The following NECTIN3 variants were observed in gnomAD, a reference collection of about 807,000 sequenced individuals.
The protein encoded by NECTIN3 is nectin-3.
NECTIN3 carries 8 observed loss-of-function variants against 49.4 expected under a neutral mutation model. The observed-to-expected ratio is 0.16, with a 90% CI of 0.10 to 0.29. The LOEUF (loss-of-function observed/expected upper bound fraction) is 0.29, where lower values mean the gene tolerates loss of function less well. Ranked by LOEUF, NECTIN3 falls within the 10% of genes least tolerant of loss-of-function variation. The pLI is 1.00. For synonymous variants in NECTIN3, 277 were observed against 241.1 expected, an observed-to-expected ratio of 1.15 and a Z score of -1.38; for missense variants, 581 against 654.6, an observed-to-expected ratio of 0.89 and a Z score of 1.23.
chr3:111,116,770 G>A (rs2033704804), intron 2 of NECTIN3, among the ~76,000 whole-genome samples: 2 of 151,958 alleles, frequency 1.3e-5, no homozygotes, highest in Non-Finnish European at 2.9e-5. Flanking sequence ...CATAATCTGA[G>A]ATATTAAAAA....
intron 1 of NECTIN3, among the ~76,000 whole-genome samples, chr3:111,102,971 A>G (rs2032989860): frequency 6.6e-6 from 1 of 152,162 alleles, no homozygotes; most frequent in South Asian, 2.1e-4. Flanking sequence ...TAAAGACTAT[A>G]TGAGTCTGTT....
In NECTIN3 at chr3:111,072,041, C is replaced by G; in HGVS notation, c.24C>G (p.Ser8=). The part of the protein sequence containing the change: MARTLRP[S]PLCPGGGKAQ... ...GGATGGCGCGGACCCTGCGGCCGTC[C>G]CCGCTGTGTCCTGGAGGCGGCAAAG... is the stretch of plus-strand genomic sequence containing the variant. The change falls in exon 1 of 6, where the codon TCC becomes TCG. Residue 8 remains serine (S), a synonymous_variant. Coordinates refer to ENST00000485303, the MANE Select transcript of NECTIN3 (RefSeq NM_015480.3). 6.5e-7 allele frequency: 1 copy of G among 1,539,352 alleles called. No individual in the cohort carries two copies. The highest frequency in any genetic ancestry group is 8.8e-7 in the Non-Finnish European group (1 of 1,142,192).
chr3:111,168,952 C>T (rs1278683740), intron 7 of NECTIN3, among the ~76,000 whole-genome samples: 2 of 151,912 alleles, frequency 1.3e-5, no homozygotes, highest in African/African-American at 4.8e-5. Flanking sequence ...TTACCTTGTA[C>T]TGGGGTTTTG....
chr3:111,113,455 A>G (rs1321449608), intron 2 of NECTIN3, among the ~76,000 whole-genome samples: 1 of 152,210 alleles, frequency 6.6e-6, no homozygotes, highest in African/African-American at 2.4e-5. Context: ...GTTTAAGGAC[A>G]TAATAGTAAT....
chr3:111,078,869 T>A (rs572876097), intron 1 of NECTIN3, among the ~76,000 whole-genome samples: 1 of 152,314 alleles, frequency 6.6e-6, no homozygotes, highest in Non-Finnish European at 1.5e-5. Context: ...AGCTGTATAT[T>A]ATTTACCTGT....
chr3:111,145,938 A>G (rs1375959529), intron 6 of NECTIN3, among the ~76,000 whole-genome samples: 1 of 152,216 alleles, frequency 6.6e-6, no homozygotes. Flanking sequence ...CAGCTCTGTC[A>G]TGATCAAATT....
intron 2 of NECTIN3, among the ~76,000 whole-genome samples, chr3:111,114,370 C>G (rs977866920): frequency 6.6e-6 from 1 of 152,026 alleles, no homozygotes; most frequent in African/African-American, 2.4e-5. Context: ...ATTCTTGACC[C>G]GTTTCCCCAA....
chr3:111,125,229 A>G (rs1181228732), intron 4 of NECTIN3, among the ~76,000 whole-genome samples: 2 of 151,574 alleles, frequency 1.3e-5, no homozygotes, highest in African/African-American at 2.4e-5. Context: ...GGGTTTCTCC[A>G]TGGTGGCCAG....
At chr3:111,177,375 C>T (rs2035549860) in intron 7 of NECTIN3, among the ~76,000 whole-genome samples, 1 of 151,906 alleles carries the variant, frequency 6.6e-6, no homozygotes, top group Non-Finnish European at 1.5e-5. Flanking sequence ...TTGGGAAGGC[C>T]CATATTAATG....
chr3:111,127,691 G>A (rs906488405), intron 5 of NECTIN3, among the ~76,000 whole-genome samples: 7 of 151,888 alleles, frequency 4.6e-5, no homozygotes, highest in Admixed American at 3.3e-4. Flanking sequence ...TCAGCCTTCA[G>A]TAGCTGAGAC....
At chr3:111,172,573 ATAT>A (rs1217555364) in intron 7 of NECTIN3, among the ~76,000 whole-genome samples, 1 of 152,186 alleles carries the variant, frequency 6.6e-6, no homozygotes, top group Admixed American at 6.5e-5. Flanking sequence ...TTCAAAAATG[ATAT>A]TATTAATAGA....
chr3:111,163,495 G>C (rs2035258275), intron 7 of NECTIN3, among the ~76,000 whole-genome samples: 1 of 152,156 alleles, frequency 6.6e-6, no homozygotes, highest in African/African-American at 2.4e-5. Context: ...TCTGTGTGTT[G>C]TCATATATCC....
At chr3:111,113,036 A>G (rs1454610566) in intron 2 of NECTIN3, among the ~76,000 whole-genome samples, 1 of 152,214 alleles carries the variant, frequency 6.6e-6, no homozygotes, top group East Asian at 1.9e-4. Flanking sequence ...TGCTCACATG[A>G]AGATCTACTG....
At chr3:111,174,977 A>G (rs1216167709) in intron 7 of NECTIN3, among the ~76,000 whole-genome samples, 1 of 151,922 alleles carries the variant, frequency 6.6e-6, no homozygotes, top group Non-Finnish European at 1.5e-5. Flanking sequence ...TGAAGGATGA[A>G]TGCAGGATTT....
At chr3:111,138,197 C>A (rs566041742), downstream of NECTIN3, among the ~76,000 whole-genome samples, 55 of 151,744 alleles carry the variant, frequency 3.6e-4, no homozygotes, top group African/African-American at 1.3e-3. Flanking sequence ...TGTTTATAAT[C>A]ACCTTGTGAT....
intron 7 of NECTIN3, among the ~76,000 whole-genome samples, chr3:111,180,868 A>C (rs1309856730): frequency 6.6e-6 from 1 of 152,198 alleles, no homozygotes; most frequent in Non-Finnish European, 1.5e-5. Context: ...ATGACTTCTC[A>C]GTTTACTTAA....
chr3:111,072,510 C>G (rs1020503164), intron 1 of NECTIN3: 4 of 1,535,934 alleles, frequency 2.6e-6, no homozygotes, highest in East Asian at 2.4e-5. Context: ...TGGGAACCCT[C>G]GTAGGTTAAG....
chr3:111,086,099 G>A (rs1453197580), intron 1 of NECTIN3, among the ~76,000 whole-genome samples: 1 of 152,082 alleles, frequency 6.6e-6, no homozygotes, highest in Non-Finnish European at 1.5e-5. Context: ...CCTCTTTTGT[G>A]AAGTGCCTGT....
At chr3:111,073,456 CT>C (rs1406993916) in intron 1 of NECTIN3, 1 of 152,134 alleles carries the variant, frequency 6.6e-6, no homozygotes, top group Non-Finnish European at 1.5e-5. Context: ...GTTTCCAGCA[CT>C]GTAATGAAAT....
Sources: gnomAD v4.1 joint callset for allele counts (sites outside exome capture counted in the v4.1 genomes callset) on GRCh38, gnomAD v4.1.1 for gene constraint, MANE v1.5 for transcripts, NCBI Gene and HGNC (gene_info 2026-07-23, HGNC 2026-07-21) for gene names.